The following NHS variants were observed in gnomAD, a reference collection of about 807,000 sequenced individuals.
NHS encodes NHS actin remodeling regulator.
A neutral mutation model predicts 72.5 loss-of-function variants in NHS; 5 were observed. The ratio of observed to expected loss-of-function variants is 0.07; its 90% CI spans 0.04 to 0.14. NHS has a LOEUF of 0.14. NHS is among the 10% of genes least tolerant of loss of function. The probability of loss-of-function intolerance (pLI) is 1.00; values close to 1 mark genes in which losing one functional copy is unlikely to be tolerated. For missense variants in NHS, 1,072 were observed against 1,355.7 expected (o/e 0.79, Z 3.29); for synonymous variants, 464 against 547.7 (o/e 0.85, Z 2.13).
intron 1 of NHS, among the ~76,000 whole-genome samples, chrX:17,508,638 ATAT>A (rs2146929116): frequency 9.0e-6 from 1 of 110,600 alleles, no homozygotes; most frequent in East Asian, 2.9e-4. Context: ...TGCCCGGCTA[ATAT>A]TTGTGTTTTT....
chrX:17,521,096 A>T (rs2065146169), intron 1 of NHS, among the ~76,000 whole-genome samples: 1 of 111,887 alleles, frequency 8.9e-6, no homozygotes, highest in South Asian at 3.7e-4. Flanking sequence ...ACCCAGTTAC[A>T]TGAAGGAGCC....
At chrX:17,487,289 G>A (rs146395160) in intron 1 of NHS, among the ~76,000 whole-genome samples, 1 of 111,944 alleles carries the variant, frequency 8.9e-6, no homozygotes, top group Non-Finnish European at 1.9e-5. Context: ...GCTTCTAGCA[G>A]GAATTCCACT....
intron 1 of NHS, among the ~76,000 whole-genome samples, chrX:17,474,419 C>T (rs1299244802): frequency 1.8e-5 from 2 of 112,006 alleles, no homozygotes; most frequent in African/African-American, 6.5e-5. Flanking sequence ...TTCCTTCTTA[C>T]ACATCCGTCT....
At chrX:17,666,730 T>C (rs1311552279) in intron 1 of NHS, among the ~76,000 whole-genome samples, 1 of 112,858 alleles carries the variant, frequency 8.9e-6, no homozygotes, top group Non-Finnish European at 1.9e-5. Context: ...TATGCTATGA[T>C]AACAGATAAG....
intron 1 of NHS, among the ~76,000 whole-genome samples, chrX:17,536,846 T>G (rs1310783422): frequency 2.7e-5 from 3 of 112,231 alleles, no homozygotes; most frequent in Admixed American, 9.4e-5. Context: ...GAATGTTTCT[T>G]TGCAAAGCCT....
rs2064340573 is a variant in NHS at position 17,375,497 on chromosome X, G to A, written c.-261G>A. The A allele has an allele frequency of 1.4e-5, 6 of 418,521 alleles. No homozygotes were observed. The South Asian group carries it at 2.3e-4, about 16-fold the overall frequency. 34.5% of individuals were successfully genotyped at this position (418,521 alleles called of 1,213,427 possible). A position where few individuals can be genotyped will look rare whatever the true frequency, so the allele number is the denominator to read the frequency against. ...GGAAGCAAGTGAGAAGAGACCAGGC[G>A]CACCCCTAAATTTCTGTGCGGAGCG... is the stretch of plus-strand genomic sequence containing the variant. On this transcript the variant is annotated 5_prime_UTR_variant, in exon 1 of 9. Transcript: ENST00000676302.
chrX:17,613,416 TC>T (rs1434928770), intron 1 of NHS, among the ~76,000 whole-genome samples: 2 of 111,359 alleles, frequency 1.8e-5, no homozygotes, highest in African/African-American at 6.5e-5. Context: ...GAACAACCCT[TC>T]CCCCTAGATT....
chrX:17,509,131 C>T, intron 1 of NHS, among the ~76,000 whole-genome samples: 1 of 111,945 alleles, frequency 8.9e-6, no homozygotes, highest in Non-Finnish European at 1.9e-5. Context: ...TTTAAAGTAT[C>T]AGCTGCTCTC....
At position 17,462,370 on chromosome X, in the gene NHS, C is replaced by T. The variant is rs191259652; in HGVS notation, c.565+86048C>T. Among the ~76,000 whole-genome samples, 122 of 111,197 alleles carry T rather than the reference C, an allele frequency of 1.1e-3. 1 individual carries two copies. The highest frequency in any genetic ancestry group is 3.6e-3 in the African/African-American group (111 of 30,589). On this transcript the variant is annotated intron_variant, in intron 1 of 8. Coordinates refer to ENST00000676302, the MANE Select transcript of NHS (RefSeq NM_001291867.2). ...AAATCATACAACTAGTAAGAGGTGG[C>T]CCCAGGATTCTTTTCCAGGCAGTCT...
chrX:17,451,841 AC>A (rs1292130869), intron 1 of NHS, among the ~76,000 whole-genome samples: 4 of 111,737 alleles, frequency 3.6e-5, no homozygotes, highest in African/African-American at 1.3e-4. Context: ...TGTATGAAAG[AC>A]CTAATTCTAA....
chrX:17,709,897 C>T (rs776987236), intron 3 of NHS, among the ~76,000 whole-genome samples: 25 of 111,325 alleles, frequency 2.2e-4, no homozygotes, highest in South Asian at 3.8e-4. Flanking sequence ...GGGTACTGGA[C>T]GGCTGGGTCT....
chrX:17,727,484 T>A lies in NHS; in HGVS notation c.3378T>A (p.Asn1126Lys). ...QNTVGETLRS[N>K]PPPSLAITPT... ...CAGTAGGAGAAACACTGAGGTCGAATCCTCCACCGTCCCTTGCAATTACAC... is the reference window on the plus strand; with the variant it reads ...CAGTAGGAGAAACACTGAGGTCGAAACCTCCACCGTCCCTTGCAATTACAC... Residue 1126 changes from asparagine (N) to lysine (K), a missense_variant, in exon 7 of 9, where the codon AAT becomes AAA. Transcript: ENST00000676302. 1.7e-6 allele frequency: 2 copies of A among 1,211,016 alleles called. No homozygotes were observed. The highest frequency in any genetic ancestry group is 2.2e-6 in the Non-Finnish European group (2 of 894,920).
chrX:17,674,203 C>T (rs987148653), intron 1 of NHS, among the ~76,000 whole-genome samples: 1 of 111,501 alleles, frequency 9.0e-6, no homozygotes, highest in African/African-American at 3.3e-5. Flanking sequence ...AGCACCGGGG[C>T]CCAAGGCACT....
chrX:17,439,685 T>C (rs760690753), intron 1 of NHS, among the ~76,000 whole-genome samples: 18 of 112,263 alleles, frequency 1.6e-4, no homozygotes, highest in African/African-American at 5.2e-4. Flanking sequence ...CTCCTATTGA[T>C]AGACACTTCA....
At chrX:17,622,936 A>T (rs770636843) in intron 1 of NHS, among the ~76,000 whole-genome samples, 23 of 107,701 alleles carry the variant, frequency 2.1e-4, no homozygotes, top group South Asian at 1.7e-3. Context: ...TTAAAAAAAA[A>T]TTTTTTTTTT....
intron 1 of NHS, among the ~76,000 whole-genome samples, chrX:17,400,240 A>C (rs2064496733): frequency 8.9e-6 from 1 of 111,785 alleles, no homozygotes; most frequent in Non-Finnish European, 1.9e-5. Flanking sequence ...CAATACACAA[A>C]ATTCAACTGT....
chrX:17,649,419 T>A (rs1032642490), intron 1 of NHS, among the ~76,000 whole-genome samples: 1 of 111,091 alleles, frequency 9.0e-6, no homozygotes, highest in Non-Finnish European at 1.9e-5. Flanking sequence ...TTCAAACATA[T>A]CCAGGAATTC....
At chrX:17,670,335 C>T (rs866830382) in intron 1 of NHS, among the ~76,000 whole-genome samples, 2 of 112,536 alleles carry the variant, frequency 1.8e-5, no homozygotes, top group African/African-American at 3.2e-5. Flanking sequence ...ATGAGATTCC[C>T]AAGTTGTGTT....
intron 1 of NHS, among the ~76,000 whole-genome samples, chrX:17,438,265 A>G (rs2064733757): frequency 8.9e-6 from 1 of 112,273 alleles, no homozygotes; most frequent in African/African-American, 3.2e-5. Flanking sequence ...CAAGAGTTTC[A>G]GGGGCTGATG....
Sources: allele counts gnomAD v4.1 joint callset (sites outside exome capture counted in the v4.1 genomes callset), GRCh38; gene constraint gnomAD v4.1.1; transcripts MANE v1.5; gene names NCBI Gene and HGNC (gene_info 2026-07-23, HGNC 2026-07-21).